Variants in SEMA3C observed in about 807,000 individuals in gnomAD.
The protein encoded by SEMA3C is semaphorin 3C, also known as semaphorin-3C.
SEMA3C carries 47 observed loss-of-function variants against 89.4 expected under a neutral mutation model. The observed-to-expected ratio is 0.53, with a 90% CI of 0.42 to 0.67. The LOEUF is 0.67. SEMA3C is among the 30% of genes least tolerant of loss of function. The pLI is 0.00. For synonymous variants in SEMA3C, 310 were observed against 320.2 expected (o/e 0.97, Z 0.34); for missense variants, 839 against 929.1 (o/e 0.90, Z 1.26).
chr7:80,744,775 A>G lies in SEMA3C; in HGVS notation c.*119T>C. On this transcript the variant is annotated 3_prime_UTR_variant, in exon 18 of 18. Transcript: ENST00000265361. ...TTTCAGTTCGTGTAAAACTCACTTC[A>G]GGAGTAATCACCTTTTTCAGTAATT... 1.7e-5 allele frequency: 19 copies of G among 1,120,286 alleles called. No individual in the cohort carries two copies. The South Asian group carries it at 2.3e-4, about 13-fold the overall frequency. 69.4% of individuals were successfully genotyped at this position (1,120,286 alleles called of 1,614,324 possible). A position where few individuals can be genotyped will look rare whatever the true frequency, so the allele number is the denominator to read the frequency against.
At chr7:80,805,427 A>T (rs541076713) in intron 7 of SEMA3C, among the ~76,000 whole-genome samples, 1 of 152,206 alleles carries the variant, frequency 6.6e-6, no homozygotes, top group East Asian at 1.9e-4. Context: ...CTGTAGGATG[A>T]TTAATAGAAA....
At chr7:80,863,740 A>G (rs545184325) in intron 2 of SEMA3C, among the ~76,000 whole-genome samples, 1 of 145,172 alleles carries the variant, frequency 6.9e-6, no homozygotes, top group Admixed American at 6.9e-5. Flanking sequence ...TCACATATAT[A>G]GTAGTATTCC....
At chr7:80,919,186 C>T (rs111634351), upstream of SEMA3C, 1 of 985,020 alleles carries the variant, frequency 1.0e-6, no homozygotes, top group Non-Finnish European at 1.2e-6. Context: ...GCCGCATCTC[C>T]GCCAGCCGCG....
intron 2 of SEMA3C, chr7:80,915,810 A>C (rs1415076001): frequency 6.6e-6 from 1 of 151,972 alleles, no homozygotes; most frequent in Non-Finnish European, 1.5e-5. Flanking sequence ...AGGTCTGAGA[A>C]TATATTGTTT....
intron 2 of SEMA3C, among the ~76,000 whole-genome samples, chr7:80,858,561 CTATTTT>C (rs1363746471): frequency 3.3e-5 from 5 of 152,072 alleles, no homozygotes; most frequent in Non-Finnish European, 5.9e-5. Context: ...ATTCCAGTTC[CTATTTT>C]TAAAGATGAG....
intron 6 of SEMA3C, 86 bp from the exon 7 acceptor site, chr7:80,805,844 C>A: frequency 2.5e-6 from 2 of 814,202 alleles, no homozygotes; most frequent in Non-Finnish European, 1.9e-6. Flanking sequence ...GAGATCACCA[C>A]AGGTATTACA....
chr7:80,887,299 A>T (rs1791506492), intron 2 of SEMA3C, among the ~76,000 whole-genome samples: 1 of 152,190 alleles, frequency 6.6e-6, no homozygotes, highest in South Asian at 2.1e-4. Flanking sequence ...GTATAACAGA[A>T]ATAGTATGAG....
At chr7:80,814,146 T>C (rs564177380) in intron 5 of SEMA3C, among the ~76,000 whole-genome samples, 121 of 151,242 alleles carry the variant, frequency 8.0e-4, no homozygotes, top group African/African-American at 2.8e-3. Flanking sequence ...TGGAGTTCAG[T>C]GGCCACGATC....
intron 13 of SEMA3C, among the ~76,000 whole-genome samples, chr7:80,762,249 G>A (rs1788202167): frequency 1.3e-5 from 2 of 152,086 alleles, no homozygotes; most frequent in African/African-American, 2.4e-5. Flanking sequence ...AGAAAGATGT[G>A]GAATGGTACA....
chr7:80,807,608 A>G (rs780939048), intron 6 of SEMA3C, among the ~76,000 whole-genome samples: 1 of 147,574 alleles, frequency 6.8e-6, no homozygotes, highest in Non-Finnish European at 1.5e-5. Flanking sequence ...CTGTATTTCT[A>G]CTGACTAGAA....
chr7:80,911,485 T>C (rs780311267), intron 2 of SEMA3C, among the ~76,000 whole-genome samples: 4 of 152,140 alleles, frequency 2.6e-5, no homozygotes, highest in Admixed American at 1.3e-4. Context: ...GAACAACATA[T>C]CAACATATAT....
chr7:80,825,694 T>C (rs1446198462), intron 4 of SEMA3C, among the ~76,000 whole-genome samples: 2 of 152,104 alleles, frequency 1.3e-5, no homozygotes, highest in Non-Finnish European at 2.9e-5. Flanking sequence ...GCAAATCCTT[T>C]TGAACAAAGG....
chr7:80,809,872 G>A (rs1039115113), intron 6 of SEMA3C, among the ~76,000 whole-genome samples: 3 of 152,002 alleles, frequency 2.0e-5, no homozygotes, highest in Non-Finnish European at 4.4e-5. Context: ...GACAAATAAG[G>A]TGTGATCTCA....
chr7:80,902,011 G>A (rs1020882050), intron 2 of SEMA3C, among the ~76,000 whole-genome samples: 9 of 152,124 alleles, frequency 5.9e-5, no homozygotes, highest in Non-Finnish European at 1.0e-4. Flanking sequence ...GGAGTGCAGT[G>A]GCGCTATCAC....
rs1449995090 is a variant in SEMA3C, at chr7:80,754,957, G to GTTTTTTTTTTGTTTTTTTTTTTTTT, written c.1643+3373_1643+3374insAAAAAAAAAAAAAACAAAAAAAAAA. Among the ~76,000 whole-genome samples, 249 of 108,322 alleles carry GTTTTTTTTTTGTTTTTTTTTTTTTT rather than the reference G, an allele frequency of 2.3e-3. 18 individuals carry two copies. Among genetic ancestry groups the GTTTTTTTTTTGTTTTTTTTTTTTTT allele is most frequent in the Middle Eastern group, 5.0e-3 (1 of 200 alleles). 71.1% of individuals were successfully genotyped at this position (108,322 alleles called of 152,430 possible). A position where few individuals can be genotyped will look rare whatever the true frequency, so the allele number is the denominator to read the frequency against. Reference sequence around the variant, plus strand: ...CATGCCTGGCGAATTGTTTTTTTTTGTTTTTTTTTTTTTTGTATTTTTAGT... The same window carrying GTTTTTTTTTTGTTTTTTTTTTTTTT: ...CATGCCTGGCGAATTGTTTTTTTTTGTTTTTTTTTTGTTTTTTTTTTTTTTTTTTTTTTTTTTTTGTATTTTTAGT... On this transcript the variant is annotated intron_variant, in intron 15 of 17. Transcript: ENST00000265361.
chr7:80,897,065 T>C (rs1274493176), intron 2 of SEMA3C, among the ~76,000 whole-genome samples: 1 of 152,196 alleles, frequency 6.6e-6, no homozygotes. Flanking sequence ...GCAACTTGCA[T>C]GGCCTGACTC....
intron 4 of SEMA3C, 33 bp downstream of exon 4, chr7:80,827,392 G>GTTTTTTTTTTTTT: frequency 8.1e-7 from 1 of 1,232,226 alleles, no homozygotes; most frequent in Non-Finnish European, 1.1e-6. Flanking sequence ...TTAAGTTAGT[G>GTTTTTTTTTTTTT]TTTTTTTTTT....
At chr7:80,756,194 C>G (rs1306907298) in intron 15 of SEMA3C, among the ~76,000 whole-genome samples, 1 of 152,212 alleles carries the variant, frequency 6.6e-6, no homozygotes, top group African/African-American at 2.4e-5. Flanking sequence ...TCTTCTTTCT[C>G]AGGAAGTGAC....
chr7:80,887,746 G>A (rs963880423), intron 2 of SEMA3C, among the ~76,000 whole-genome samples: 2 of 152,122 alleles, frequency 1.3e-5, no homozygotes, highest in African/African-American at 4.8e-5. Context: ...GATACATACT[G>A]ACAATTACCT....
Sources: gnomAD v4.1 joint callset for allele counts (sites outside exome capture counted in the v4.1 genomes callset) on GRCh38, gnomAD v4.1.1 for gene constraint, MANE v1.5 for transcripts, NCBI Gene and HGNC (gene_info 2026-07-23, HGNC 2026-07-21) for gene names.